The following APOL4 variants were observed in gnomAD, a reference collection of about 807,000 sequenced individuals.
APOL4 encodes the protein apolipoprotein L, 4.
In APOL4, 14 loss-of-function variants were observed where a neutral mutation model predicts 12.1. That is an observed-to-expected ratio of 1.16 (90% CI 0.76 to 1.81). APOL4 has a LOEUF of 1.81. Ranked by LOEUF, APOL4 falls within the 40% of genes most tolerant of loss-of-function variation. The pLI is 0.00. For synonymous variants in APOL4, 171 were observed against 160.6 expected (o/e 1.06, Z -0.49); for missense variants, 432 against 423.1 (o/e 1.02, Z -0.18).
chr22:36,199,200 C>T, intron 2 of APOL4, 130 bp downstream of exon 2: 1 of 1,307,536 alleles, frequency 7.6e-7, no homozygotes, highest in Non-Finnish European at 1.1e-6. Flanking sequence ...GCCTCATCAG[C>T]CACCTCCGTC....
chr22:36,197,780 A>T (rs2014456269), intron 2 of APOL4: 1 of 1,550,436 alleles, frequency 6.4e-7, no homozygotes, highest in African/African-American at 1.4e-5. Flanking sequence ...ACACAGAAGG[A>T]GCTGCTGTAA....
upstream of APOL4, among the ~76,000 whole-genome samples, chr22:36,203,416 C>CGTATGTAGAAGTACAGTGCATTT (rs938925352): frequency 7.2e-5 from 11 of 152,234 alleles, no homozygotes; most frequent in Non-Finnish European, 1.3e-4. Context: ...ACATAACATT[C>CGTATGTAGAAGTACAGTGCATTT]GTATGTAGAA....
In APOL4 at chr22:36,191,632, GCCC is replaced by G; in HGVS notation, c.487_489del (p.Gly163del). On this transcript the variant is annotated inframe_deletion, in exon 4 of 4. Coordinates refer to ENST00000683024, the MANE Select transcript of APOL4 (RefSeq NM_001386885.1). Reference sequence around the variant, plus strand: ...CCAGCTGCAGTAATGCTCAGGCTCAGCCCTGCTGTAAATGGTGCCAACATAACG... The same window carrying G: ...CCAGCTGCAGTAATGCTCAGGCTCAGTGCTGTAAATGGTGCCAACATAACG... 5 of 1,613,850 alleles carry G rather than the reference GCCC, an allele frequency of 3.1e-6. 1 individual carries two copies. Among genetic ancestry groups the G allele is most frequent in the Non-Finnish European group, 4.2e-6 (5 of 1,179,798 alleles).
chr22:36,194,794 C>T (rs1362030541), intron 3 of APOL4, among the ~76,000 whole-genome samples: 1 of 152,112 alleles, frequency 6.6e-6, no homozygotes, highest in Admixed American at 6.5e-5. Context: ...AGGAAAAGGG[C>T]CCCAGACAGC....
intron 3 of APOL4, among the ~76,000 whole-genome samples, chr22:36,194,789 A>G (rs2014357048): frequency 6.6e-6 from 1 of 152,156 alleles, no homozygotes; most frequent in South Asian, 2.1e-4. Flanking sequence ...AGTTCAGGAA[A>G]AGGGCCCCAG....
chr22:36,204,245 G>A (rs132739), upstream of APOL4, among the ~76,000 whole-genome samples: 35,240 of 152,084 alleles, frequency 0.23, 5,438 homozygotes, highest in East Asian at 0.81. Flanking sequence ...AGGACAGACC[G>A]GGCTCCAGGT....
chr22:36,203,826 A>G (rs907322342), upstream of APOL4, among the ~76,000 whole-genome samples: 12 of 152,334 alleles, frequency 7.9e-5, no homozygotes, highest in East Asian at 1.9e-4. Flanking sequence ...CCAACCTGGC[A>G]TTGTCTTTAC....
chr22:36,202,397 A>T (rs1052280634), upstream of APOL4, among the ~76,000 whole-genome samples: 2 of 152,200 alleles, frequency 1.3e-5, no homozygotes, highest in African/African-American at 4.8e-5. Context: ...GGCTTCAGCT[A>T]TAGTGCTTTC....
chr22:36,189,780 C>G lies in APOL4; in HGVS notation c.*1295G>C, dbSNP rs1345505524. 6.5e-6 allele frequency: 1 copy of G among 152,902 alleles called. No homozygotes were observed. The highest frequency in any genetic ancestry group is 2.4e-5 in the African/African-American group (1 of 41,364). The allele number at this position is 152,902 out of a possible 1,614,324, so 9.5% of individuals were successfully genotyped here. A position where few individuals can be genotyped will look rare whatever the true frequency, so the allele number is the denominator to read the frequency against. ...TCCAGTCCCCTCTCCTCCCTTATTC[C>G]AGGCCCCAGCATTTCTGCCTTCTCC... On this transcript the variant is annotated 3_prime_UTR_variant, in exon 4 of 4. Coordinates refer to ENST00000683024, the MANE Select transcript of APOL4 (RefSeq NM_001386885.1).
rs1223880180 is a variant in APOL4, at chr22:36,190,013, T to C, written c.*1062A>G. On this transcript the variant is annotated 3_prime_UTR_variant, in exon 4 of 4. Coordinates refer to ENST00000683024, the MANE Select transcript of APOL4 (RefSeq NM_001386885.1). ...TTGGGTATCGGGGAACCTGCCCCGA[T>C]GGTCACGTAGGTTCTTTTCTATTTT... is the stretch of plus-strand genomic sequence containing the variant. The C allele has an allele frequency of 5.2e-6, 1 of 193,912 alleles. No individual in the cohort carries two copies. The highest frequency in any genetic ancestry group is 1.1e-5 in the Non-Finnish European group (1 of 90,408). The allele number at this position is 193,912 out of a possible 1,614,324, so 12.0% of individuals were successfully genotyped here.
At chr22:36,200,806 T>A (rs372629504) in intron 1 of APOL4, among the ~76,000 whole-genome samples, 4 of 152,350 alleles carry the variant, frequency 2.6e-5, no homozygotes, top group African/African-American at 7.2e-5. Context: ...CTCTCAGTAG[T>A]CTCTTTATCA....
intron 2 of APOL4, among the ~76,000 whole-genome samples, chr22:36,197,107 A>T (rs1350025002): frequency 1.3e-5 from 2 of 152,054 alleles, no homozygotes; most frequent in Non-Finnish European, 2.9e-5. Context: ...CCGTTAGTAA[A>T]CCACAGATCA....
intron 2 of APOL4, among the ~76,000 whole-genome samples, chr22:36,198,743 G>A (rs1414748632): frequency 1.3e-5 from 2 of 152,312 alleles, no homozygotes; most frequent in African/African-American, 4.8e-5. Flanking sequence ...TGGTGCAGGT[G>A]AGGAGGAGTA....
Position 36,191,204 on chromosome 22 carries a change from C to T in APOL4, c.918G>A (p.Val306=), listed in dbSNP as rs372741653. The T allele has an allele frequency of 4.8e-5, 77 of 1,613,834 alleles. No individual in the cohort carries two copies. Among genetic ancestry groups the T allele is most frequent in the Admixed American group, 6.7e-5 (4 of 60,008 alleles). ...VLVVLDVVNL[V]QDSLDLHKGA... is the part of the protein sequence containing the mutation. ...CCTTGTGCAAGTCCAGTGAGTCTTG[C>T]ACAAGGTTGACTACATCCAGCACAA... The change falls in exon 4 of 4, where the codon GTG becomes GTA. Residue 306 remains valine, a synonymous_variant. Transcript: ENST00000683024.
At chr22:36,204,620 C>G (rs551992753), upstream of APOL4, 24 of 649,346 alleles carry the variant, frequency 3.7e-5, 1 homozygote, top group South Asian at 6.6e-4. Flanking sequence ...ACACCATCCC[C>G]AACTTACCAA....
At position 36,191,530 on chromosome 22, in the gene APOL4, C is replaced by T; in HGVS notation, c.592G>A (p.Glu198Lys). 1 of 1,614,044 alleles carries T rather than the reference C, an allele frequency of 6.2e-7. No individual in the cohort carries two copies. Among genetic ancestry groups the T allele is most frequent in the Non-Finnish European group, 8.5e-7 (1 of 1,179,892 alleles). ...GCAGTCAGCCTGCTGGCTGTGAGTT[C>T]TGCTGACCTTGTGTATGTGTTCTCC... ...IVENTYTRSAELTASRLTATS... is the reference protein window; with the variant it reads ...IVENTYTRSAKLTASRLTATS... Residue 198 changes from glutamate to lysine, a missense_variant, in exon 4 of 4, where the codon GAA becomes AAA. Coordinates refer to ENST00000683024, the MANE Select transcript of APOL4 (RefSeq NM_001386885.1).
At position 36,191,365 on chromosome 22, in the gene APOL4, T is replaced by C; in HGVS notation, c.757A>G (p.Thr253Ala). ...DVHTLRRSKA[T>A]VGRPLIAWRY... ...CAAGCAATCAAAGGGCGTCCAACAG[T>C]GGCTTTAGATCTCCTGAGTGTATGG... The change falls in exon 4 of 4, where the codon ACT becomes GCT. Residue 253 changes from threonine (T) to alanine (A), a missense_variant. Coordinates refer to ENST00000683024, the MANE Select transcript of APOL4 (RefSeq NM_001386885.1). The C allele has an allele frequency of 6.2e-7, 1 of 1,614,066 alleles. No individual in the cohort carries two copies. The highest frequency in any genetic ancestry group is 8.5e-7 in the Non-Finnish European group (1 of 1,179,900).
At chr22:36,199,645 G>A (rs749518423) in intron 1 of APOL4, 225 of 1,551,188 alleles carry the variant, frequency 1.5e-4, no homozygotes, top group African/African-American at 2.6e-4. Flanking sequence ...CAGAGGAGGG[G>A]CAGCCATCTG....
In APOL4 at chr22:36,191,665, T is replaced by C; in HGVS notation, c.457A>G (p.Ile153Val). ...VSGSTGILSV[I>V]GVMLAPFTAG... is the part of the protein sequence containing the mutation. ...GTAAATGGTGCCAACATAACGCCAA[T>C]GACAGACAGGATGCCAGTGGAGCCA... is the stretch of plus-strand genomic sequence containing the variant. The change falls in exon 4 of 4, where the codon ATT (isoleucine) becomes GTT (valine). Residue 153 changes from isoleucine (I) to valine (V), a missense_variant. By Grantham distance (29) the Ile-to-Val change is conservative. Coordinates refer to ENST00000683024, the MANE Select transcript of APOL4 (RefSeq NM_001386885.1). 6.2e-7 allele frequency: 1 copy of C among 1,614,018 alleles called. No individual in the cohort carries two copies. The highest frequency in any genetic ancestry group is 1.7e-5 in the Admixed American group (1 of 60,020).
Sources: gnomAD v4.1 joint callset for allele counts (sites outside exome capture counted in the v4.1 genomes callset) on GRCh38, gnomAD v4.1.1 for gene constraint, MANE v1.5 for transcripts, NCBI Gene and HGNC (gene_info 2026-07-23, HGNC 2026-07-21) for gene names.